Variants in TBC1D8B observed in about 807,000 individuals in gnomAD.
TBC1D8B encodes RP11-321G1.1.
A neutral mutation model predicts 82.9 loss-of-function variants in TBC1D8B; 75 were observed. The observed-to-expected ratio is 0.90, with a 90% CI of 0.75 to 1.10. The LOEUF (loss-of-function observed/expected upper bound fraction) is 1.10, where lower values mean the gene tolerates loss of function less well. TBC1D8B is among the 50% of genes least tolerant of loss of function. The pLI is 0.00. For synonymous variants in TBC1D8B, 276 were observed against 276.8 expected, an observed-to-expected ratio of 1.00 and a Z score of 0.03; for missense variants, 794 against 796.9, an observed-to-expected ratio of 1.00 and a Z score of 0.04.
intron 5 of TBC1D8B, among the ~76,000 whole-genome samples, chrX:106,825,673 A>G (rs751852673): frequency 3.6e-5 from 4 of 111,355 alleles, no homozygotes; most frequent in Non-Finnish European, 7.6e-5. Context: ...CCAGATAGGA[A>G]CATTGTTGTC....
intron 6 of TBC1D8B, 86 bp downstream of exon 6, chrX:106,826,323 T>C (rs2147736590): frequency 2.7e-6 from 2 of 749,425 alleles, no homozygotes; most frequent in East Asian, 6.9e-5. Context: ...CTATAAATTA[T>C]TAAAACCTCA....
chrX:106,821,564 C>G (rs1385052021), intron 3 of TBC1D8B, among the ~76,000 whole-genome samples: 3 of 111,244 alleles, frequency 2.7e-5, no homozygotes, highest in Non-Finnish European at 5.7e-5. Flanking sequence ...ACAGTCGTCC[C>G]TAGGTATCTA....
At chrX:106,821,158 AAGTCTTT>A (rs1268507948) in intron 3 of TBC1D8B, among the ~76,000 whole-genome samples, 163 bp downstream of exon 3, 3 of 111,192 alleles carry the variant, frequency 2.7e-5, no homozygotes, top group Non-Finnish European at 3.8e-5. Flanking sequence ...GAAAACTGTA[AAGTCTTT>A]AGCACAGGGG....
At position 106,854,243 on chromosome X, in the gene TBC1D8B, C is replaced by A. The variant is rs1246752289; in HGVS notation, c.2299C>A (p.Arg767=). 4 of 1,193,700 alleles carry A rather than the reference C, an allele frequency of 3.4e-6. No homozygotes were observed. Among genetic ancestry groups the A allele is most frequent in the Middle Eastern group, 2.3e-4 (1 of 4,277 alleles). Residue 767 remains arginine, a synonymous_variant, in exon 14 of 21, where the codon CGA becomes AGA. Transcript: ENST00000357242. ...RYEDIHSMRC[R]NRLYVIQTLE... ...TGAAGATATACATAGTATGCGCTGT[C>A]GAAATAGGTTGTATGTGATACAGAC...
intron 5 of TBC1D8B, 110 bp downstream of exon 5, chrX:106,823,576 T>A: frequency 1.1e-6 from 1 of 890,888 alleles, no homozygotes; most frequent in Non-Finnish European, 1.5e-6. Context: ...ATAGGGTTTT[T>A]TTTGGAGTTG....
Position 106,802,902 on chromosome X carries a change from T to C in TBC1D8B, c.49T>C (p.Trp17Arg), listed in dbSNP as rs775150428. The C allele has an allele frequency of 8.3e-7, 1 of 1,211,236 alleles. No individual in the cohort carries two copies. The highest frequency in any genetic ancestry group is 1.1e-6 in the Non-Finnish European group (1 of 895,282). Reference sequence around the variant, plus strand: ...GCTTCTGAAAAATGCGCTGAAGCTGTGGCTGATGGAAAGGTCCAACGACTA... The same window carrying C: ...GCTTCTGAAAAATGCGCTGAAGCTGCGGCTGATGGAAAGGTCCAACGACTA... ...EVLLKNALKL[W>R]LMERSNDYFV... The change falls in exon 1 of 21, where the codon TGG (tryptophan) becomes CGG (arginine). Residue 17 changes from tryptophan to arginine, a missense_variant. Coordinates refer to ENST00000357242, the MANE Select transcript of TBC1D8B (RefSeq NM_017752.3).
intron 12 of TBC1D8B, among the ~76,000 whole-genome samples, chrX:106,851,812 C>A (rs1174878066): frequency 1.8e-5 from 2 of 112,067 alleles, no homozygotes; most frequent in Non-Finnish European, 3.8e-5. Context: ...TCCAGTCTAT[C>A]GTTGTTGGAC....
intron 11 of TBC1D8B, chrX:106,849,384 C>T (rs746421626): frequency 9.2e-7 from 1 of 1,086,161 alleles, no homozygotes; most frequent in East Asian, 3.3e-5. Flanking sequence ...CCCAAATTCT[C>T]CCATCAAGGA....
intron 7 of TBC1D8B, among the ~76,000 whole-genome samples, chrX:106,832,152 T>A (rs1341425019): frequency 5.4e-5 from 6 of 111,327 alleles, no homozygotes; most frequent in Admixed American, 9.6e-5. Flanking sequence ...TCCAAGAGTC[T>A]AAATCAACAA....
At chrX:106,842,643 CTATCTATCTAT>C (rs1932340887) in intron 10 of TBC1D8B, among the ~76,000 whole-genome samples, 2 of 99,802 alleles carry the variant, frequency 2.0e-5, no homozygotes, top group African/African-American at 8.8e-5. Flanking sequence ...ATCTATCTAT[CTATCTATCTAT>C]TCTGTCTCTC....
intron 1 of TBC1D8B, among the ~76,000 whole-genome samples, chrX:106,805,167 C>T (rs1817420006): frequency 1.0e-5 from 1 of 98,413 alleles, no homozygotes; most frequent in Non-Finnish European, 2.0e-5. Context: ...TAGCTCACAG[C>T]AGCCTGGAAC....
chrX:106,802,944 C>T lies in TBC1D8B; in HGVS notation c.91C>T (p.Arg31Cys). The change falls in exon 1 of 21, where the codon CGT (arginine) becomes TGT (cysteine). Residue 31 changes from arginine (R) to cysteine (C), a missense_variant. Transcript: ENST00000357242. ...CAACGACTACTTCGTGCTGCAGCGGCGTCGGGGCTACGGGGAGGAAGGCGG... is the reference window on the plus strand; with the variant it reads ...CAACGACTACTTCGTGCTGCAGCGGTGTCGGGGCTACGGGGAGGAAGGCGG... ...RSNDYFVLQRRRGYGEEGGGG... is the reference protein window; with the variant it reads ...RSNDYFVLQRCRGYGEEGGGG... The T allele has an allele frequency of 8.3e-7, 1 of 1,209,911 alleles. No individual in the cohort carries two copies. The highest frequency in any genetic ancestry group is 1.1e-6 in the Non-Finnish European group (1 of 894,766).
In TBC1D8B at chrX:106,840,747, G is replaced by A; in HGVS notation, c.1582G>A (p.Ala528Thr). ...VEQSLGTCNL[A>T]TEEIERDLRR... The stretch of plus-strand genomic sequence containing the variant: ...GCAGTCCTTAGGGACCTGCAACTTG[G>A]CTACTGAAGAAATTGAACGTGATTT... The change falls in exon 10 of 21, where the codon GCT (alanine) becomes ACT (threonine). Residue 528 changes from alanine (A) to threonine (T), a missense_variant. Coordinates refer to ENST00000357242, the MANE Select transcript of TBC1D8B (RefSeq NM_017752.3). 1 of 1,211,260 alleles carries A rather than the reference G, an allele frequency of 8.3e-7. No individual in the cohort carries two copies. The highest frequency in any genetic ancestry group is 1.8e-5 in the South Asian group (1 of 56,965).
intron 7 of TBC1D8B, chrX:106,828,276 A>C (rs1176516312): frequency 8.8e-6 from 1 of 114,171 alleles, no homozygotes; most frequent in Non-Finnish European, 1.9e-5. Flanking sequence ...CAATAACAGG[A>C]GCTGAAATTG....
chrX:106,861,974 AT>A (rs1258102728), intron 14 of TBC1D8B, among the ~76,000 whole-genome samples: 33 of 112,085 alleles, frequency 2.9e-4, no homozygotes, highest in Admixed American at 9.5e-5. Context: ...TCTGAGAAGG[AT>A]CTTATTTCTC....
At chrX:106,824,488 C>T (rs903188862) in intron 5 of TBC1D8B, among the ~76,000 whole-genome samples, 2 of 111,213 alleles carry the variant, frequency 1.8e-5, no homozygotes, top group Non-Finnish European at 3.8e-5. Flanking sequence ...TTTTATACTT[C>T]AGTACCAAAA....
In TBC1D8B at chrX:106,858,758, G is replaced by T. The variant is rs193141224; in HGVS notation, c.2352+4462G>T. ...TTTATTTTTGTTGCAATTGCTTTTG[G>T]CATTTTTGTTGTGAAATCTTTGCCA... On this transcript the variant is annotated intron_variant, in intron 14 of 20. Transcript: ENST00000357242. Among the ~76,000 whole-genome samples, 213 of 111,249 alleles carry T rather than the reference G, an allele frequency of 1.9e-3. 1 individual carries two copies. Among genetic ancestry groups the T allele is most frequent in the African/African-American group, 6.6e-3 (201 of 30,570 alleles).
intron 13 of TBC1D8B, 147 bp downstream of exon 13, chrX:106,853,797 G>C: frequency 1.7e-6 from 1 of 579,476 alleles, no homozygotes; most frequent in Non-Finnish European, 2.7e-6. Context: ...AATGAGTTCT[G>C]TGAACTGTTC....
intron 14 of TBC1D8B, 140 bp downstream of exon 14, chrX:106,854,436 G>T (rs1932656182): frequency 2.8e-6 from 1 of 360,762 alleles, no homozygotes; most frequent in Non-Finnish European, 4.8e-6. Context: ...TTACCCTATG[G>T]TAAATTCTTT....
Sources: allele counts gnomAD v4.1 joint callset (sites outside exome capture counted in the v4.1 genomes callset), GRCh38; gene constraint gnomAD v4.1.1; transcripts MANE v1.5; gene names NCBI Gene and HGNC (gene_info 2026-07-23, HGNC 2026-07-21).